The following KCNAB1 variants were observed in gnomAD, a reference collection of about 807,000 sequenced individuals.
KCNAB1 encodes the protein potassium voltage-gated channel subfamily A regulatory beta subunit 1, also known as voltage-gated potassium channel subunit beta-1.
Under a neutral mutation model 64.6 loss-of-function variants are expected in KCNAB1, and 35 were observed. That is an observed-to-expected ratio of 0.54 (90% CI 0.41 to 0.72). The LOEUF is 0.72. Ranked by LOEUF, KCNAB1 falls within the 30% of genes least tolerant of loss-of-function variation. The probability of loss-of-function intolerance (pLI) is 0.00; values close to 1 mark genes in which losing one functional copy is unlikely to be tolerated. For synonymous variants in KCNAB1, 177 were observed against 183.8 expected (o/e 0.96, Z 0.30); for missense variants, 401 against 512.9 (o/e 0.78, Z 2.11).
intron 8 of KCNAB1, among the ~76,000 whole-genome samples, chr3:156,504,651 G>T (rs1716689636): frequency 6.6e-6 from 1 of 151,282 alleles, no homozygotes; most frequent in African/African-American, 2.4e-5. Flanking sequence ...AGAGACAGGG[G>T]CTTCCTGTTG....
In KCNAB1 at chr3:156,463,734, A is replaced by G. The variant is rs755412969; in HGVS notation, c.515A>G (p.Tyr172Cys). The G allele has an allele frequency of 3.2e-5, 52 of 1,604,140 alleles. No homozygotes were observed. Among genetic ancestry groups the G allele is most frequent in the Non-Finnish European group, 4.3e-5 (51 of 1,176,842 alleles). ...RSSLVITTKL[Y>C]WGGKAETERG... ...AGTCTGGTCATAACAACCAAACTCT[A>G]CTGGGGTGGAAAGTAAGTTATTTTT... Residue 172 changes from tyrosine (Y) to cysteine (C), a missense_variant, in exon 6 of 14, where the codon TAC becomes TGC. Tyr to Cys is a radical substitution (Grantham distance 194). Transcript: ENST00000490337.
At chr3:156,134,230 A>C (rs1714164003) in intron 1 of KCNAB1, among the ~76,000 whole-genome samples, 1 of 152,238 alleles carries the variant, frequency 6.6e-6, no homozygotes, top group African/African-American at 2.4e-5. Flanking sequence ...TCTGCCTTGA[A>C]AATTGGAGGC....
At chr3:156,390,807 G>A (rs1023481979) in intron 1 of KCNAB1, among the ~76,000 whole-genome samples, 3 of 152,030 alleles carry the variant, frequency 2.0e-5, no homozygotes, top group Admixed American at 1.3e-4. Flanking sequence ...GGATGGTCTC[G>A]ATCTCCTGAC....
At chr3:156,261,416 C>A (rs1398176460) in intron 1 of KCNAB1, among the ~76,000 whole-genome samples, 1 of 151,772 alleles carries the variant, frequency 6.6e-6, no homozygotes, top group Admixed American at 6.6e-5. Context: ...TTTTTGTGTG[C>A]AGTTTGAGGG....
At chr3:156,323,466 A>G (rs1722797098) in intron 1 of KCNAB1, among the ~76,000 whole-genome samples, 1 of 152,144 alleles carries the variant, frequency 6.6e-6, no homozygotes, top group African/African-American at 2.4e-5. Context: ...TAACTCAATC[A>G]TTCATGTACT....
chr3:156,408,206 C>T (rs957195743), intron 1 of KCNAB1, among the ~76,000 whole-genome samples: 3 of 152,282 alleles, frequency 2.0e-5, no homozygotes, highest in Admixed American at 6.5e-5. Context: ...CCCTATCCCA[C>T]GTCTCAGGGC....
In KCNAB1 at chr3:156,537,814, T is replaced by A. The variant is rs923650172; in HGVS notation, c.*1067T>A. 1 of 152,614 alleles carries A rather than the reference T, an allele frequency of 6.6e-6. No individual in the cohort carries two copies. The highest frequency in any genetic ancestry group is 6.5e-5 in the Admixed American group (1 of 15,282). 9.5% of individuals were successfully genotyped at this position (152,614 alleles called of 1,614,324 possible). A position where few individuals can be genotyped will look rare whatever the true frequency, so the allele number is the denominator to read the frequency against. On this transcript the variant is annotated 3_prime_UTR_variant, in exon 14 of 14. Coordinates refer to ENST00000490337, the MANE Select transcript of KCNAB1 (RefSeq NM_172160.3). ...TGGGATTTTATAATATAATGTTTGG[T>A]ATTTTTGAGGCATTGTTAACATGAA...
At chr3:156,277,018 A>G (rs1327307289) in intron 1 of KCNAB1, among the ~76,000 whole-genome samples, 2 of 152,036 alleles carry the variant, frequency 1.3e-5, no homozygotes, top group Admixed American at 6.6e-5. Flanking sequence ...AATAATTTCT[A>G]GCTTTTGATT....
intron 1 of KCNAB1, among the ~76,000 whole-genome samples, chr3:156,257,485 G>A (rs1718162667): frequency 6.6e-6 from 1 of 152,172 alleles, no homozygotes; most frequent in Non-Finnish European, 1.5e-5. Flanking sequence ...GGGATCCGGG[G>A]TGCTTTGCCT....
At chr3:156,469,029 C>T (rs544841340) in intron 7 of KCNAB1, among the ~76,000 whole-genome samples, 19 of 152,174 alleles carry the variant, frequency 1.2e-4, no homozygotes, top group South Asian at 4.2e-4. Context: ...GTATGTTTCC[C>T]GAAAAGTTCT....
Position 156,465,629 on chromosome 3 carries a change from C to A in KCNAB1, c.528-14C>A, listed in dbSNP as rs775624776. 1.9e-6 allele frequency: 3 copies of A among 1,611,676 alleles called. No individual in the cohort carries two copies. The Admixed American group carries it at 5.0e-5, about 27-fold the overall frequency. ...CACTCTCATTCAAAGTTATTTGCTT[C>A]TTTTTCTTGGCAGAGCTGAAACAGA... is the stretch of plus-strand genomic sequence containing the variant. On this transcript the variant is annotated splice_polypyrimidine_tract_variant and intron_variant, in intron 6 of 13. Transcript: ENST00000490337.
At chr3:156,408,765 G>C (rs1224913985) in intron 1 of KCNAB1, among the ~76,000 whole-genome samples, 1 of 151,708 alleles carries the variant, frequency 6.6e-6, no homozygotes, top group Non-Finnish European at 1.5e-5. Flanking sequence ...GGGTGACAGA[G>C]TGAGACTCCA....
At chr3:156,487,160 A>G (rs922763475) in intron 8 of KCNAB1, among the ~76,000 whole-genome samples, 1 of 152,186 alleles carries the variant, frequency 6.6e-6, no homozygotes, top group Non-Finnish European at 1.5e-5. Flanking sequence ...TAAGTCCAAT[A>G]TAACTGGAAG....
intron 1 of KCNAB1, among the ~76,000 whole-genome samples, chr3:156,201,784 G>A (rs1576600849): frequency 6.6e-6 from 1 of 152,200 alleles, no homozygotes; most frequent in Admixed American, 6.5e-5. Flanking sequence ...GTGAGTGCAG[G>A]TATGTAAAGT....
At chr3:156,342,609 A>ATTTTTTTTTTTTTTTTTTTTTTT (rs59689669) in intron 1 of KCNAB1, among the ~76,000 whole-genome samples, 1 of 104,692 alleles carries the variant, frequency 9.6e-6, no homozygotes, top group Non-Finnish European at 2.0e-5. Flanking sequence ...TTTTTTTTTA[A>ATTTTTTTTTTTTTTTTTTTTTTT]TTTTTTTTTT....
chr3:156,382,995 T>G (rs1712286238), intron 1 of KCNAB1, among the ~76,000 whole-genome samples: 1 of 152,222 alleles, frequency 6.6e-6, no homozygotes. Context: ...CTAGATGATC[T>G]TTCGGGTGCT....
intron 1 of KCNAB1, among the ~76,000 whole-genome samples, chr3:156,302,356 G>A (rs747054920): frequency 2.6e-5 from 4 of 152,048 alleles, no homozygotes; most frequent in Admixed American, 6.6e-5. Flanking sequence ...GGACATAGAC[G>A]TCTTTCATGG....
chr3:156,417,645 A>G (rs1486464607), intron 1 of KCNAB1, among the ~76,000 whole-genome samples: 1 of 152,098 alleles, frequency 6.6e-6, no homozygotes. Context: ...AACTGTGAGC[A>G]TCAGAGTGGC....
chr3:156,235,399 T>C (rs998504027), intron 1 of KCNAB1, among the ~76,000 whole-genome samples: 1 of 152,226 alleles, frequency 6.6e-6, no homozygotes, highest in African/African-American at 2.4e-5. Flanking sequence ...CTCATGTTGC[T>C]CGACTAAGCA....
Sources: allele counts gnomAD v4.1 joint callset (sites outside exome capture counted in the v4.1 genomes callset), GRCh38; gene constraint gnomAD v4.1.1; transcripts MANE v1.5; gene names NCBI Gene and HGNC (gene_info 2026-07-23, HGNC 2026-07-21).